The following HEATR4 variants were observed in gnomAD, a reference collection of about 807,000 sequenced individuals.
HEATR4 encodes HEAT repeat-containing protein 4.
In HEATR4, 95 loss-of-function variants were observed where a neutral mutation model predicts 108.8. That is an observed-to-expected ratio of 0.87 (90% CI 0.74 to 1.04). The LOEUF (loss-of-function observed/expected upper bound fraction) is 1.04, where lower values mean the gene tolerates loss of function less well. Among genes scored for constraint, HEATR4 ranks in the 50% least tolerant of loss-of-function variants. HEATR4 has a pLI of 0.00. For missense variants in HEATR4, 1,152 were observed against 1,253.8 expected (o/e 0.92, Z 1.23); for synonymous variants, 443 against 459.4 (o/e 0.96, Z 0.46).
At chr14:73,624,559 ACCAC>A in the HEATR4 span, among the ~76,000 whole-genome samples, 2 of 152,274 alleles carry the variant, frequency 1.3e-5, no homozygotes, top group African/African-American at 4.8e-5. Context: ...CCATGATCAC[ACCAC>A]TGCACTCCAT....
In HEATR4 at chr14:73,538,047, G is replaced by A; in HGVS notation, c.-151-7803C>T. Reference sequence around the variant, plus strand: ...GGGCTATGTTGCCCAGGTAGGTCTTGAACTCCTGGACCCAAGCTATCCTCC... The same window carrying A: ...GGGCTATGTTGCCCAGGTAGGTCTTAAACTCCTGGACCCAAGCTATCCTCC... On this transcript the variant is annotated intron_variant, in intron 1 of 17. Coordinates refer to ENST00000553558, the MANE Select transcript of HEATR4 (RefSeq NM_001220484.1). Among the ~76,000 whole-genome samples, 2 of 105,798 alleles carry A rather than the reference G, an allele frequency of 1.9e-5. 1 individual carries two copies. The highest frequency in any genetic ancestry group is 4.0e-5 in the Non-Finnish European group (2 of 49,582). 69.4% of individuals were successfully genotyped at this position (105,798 alleles called of 152,430 possible). A position where few individuals can be genotyped will look rare whatever the true frequency, so the allele number is the denominator to read the frequency against.
At chr14:73,591,812 A>T in the HEATR4 span, 1 of 702,500 alleles carries the variant, frequency 1.4e-6, no homozygotes, top group Non-Finnish European at 2.1e-6. Context: ...AACCGGTCTG[A>T]AGTCCCAGGG....
At chr14:73,608,050 G>A in the HEATR4 span, among the ~76,000 whole-genome samples, 1 of 151,480 alleles carries the variant, frequency 6.6e-6, no homozygotes, top group Non-Finnish European at 1.5e-5. Flanking sequence ...TCAGCCTCCC[G>A]AGTAGCTGGG....
At chr14:73,594,409 T>G in the HEATR4 span, among the ~76,000 whole-genome samples, 1 of 148,050 alleles carries the variant, frequency 6.8e-6, no homozygotes, top group Non-Finnish European at 1.5e-5. Flanking sequence ...CCTACCTGAA[T>G]GTGGCCCTGA....
At chr14:73,484,651 A>G (rs1276076057) in intron 17 of HEATR4, among the ~76,000 whole-genome samples, 1 of 151,296 alleles carries the variant, frequency 6.6e-6, no homozygotes, top group Non-Finnish European at 1.5e-5. Flanking sequence ...AAGTGCTGGG[A>G]TTACAGGCAT....
At chr14:73,593,790 C>G in the HEATR4 span, 1 of 1,614,056 alleles carries the variant, frequency 6.2e-7, no homozygotes, top group Non-Finnish European at 8.5e-7. Context: ...CTGGCCATGG[C>G]TTTGCCACGT....
chr14:73,521,886 G>A (rs2140297038), intron 3 of HEATR4, among the ~76,000 whole-genome samples: 1 of 152,342 alleles, frequency 6.6e-6, no homozygotes, highest in African/African-American at 2.4e-5. Flanking sequence ...AAAGTCTGCT[G>A]GAGAAGGTTG....
rs748113844 is a variant in HEATR4 at position 73,523,158 on chromosome 14, G to A, written c.-6C>T. The A allele has an allele frequency of 4.5e-5, 70 of 1,569,678 alleles. No individual in the cohort carries two copies. The highest frequency in any genetic ancestry group is 1.7e-4 in the African/African-American group (13 of 74,424). ...CCCTTCTGGGTCCTGGTCATACCGC[G>A]TCCCAGCAAATGCTTCCTTCCACAC... On this transcript the variant is annotated 5_prime_UTR_variant, in exon 3 of 18. In the 5' UTR this introduces an upstream ATG that the reference lacks. Transcript: ENST00000553558.
chr14:73,615,388 T>TAA, the HEATR4 span, among the ~76,000 whole-genome samples: 513 of 63,210 alleles, frequency 8.1e-3, 38 homozygotes, highest in African/African-American at 0.036. Context: ...CTCTGTCTGA[T>TAA]AAAAAAAAAA....
At chr14:73,618,620 G>A in the HEATR4 span, among the ~76,000 whole-genome samples, 1 of 103,018 alleles carries the variant, frequency 9.7e-6, no homozygotes, top group Admixed American at 1.1e-4. Context: ...TATCAAGGCA[G>A]GAGAAAATAA....
At chr14:73,617,324 T>C in the HEATR4 span, 1 of 1,288,642 alleles carries the variant, frequency 7.8e-7, no homozygotes. Flanking sequence ...CAAAGGTTAC[T>C]AGGGTGGAAG....
At chr14:73,614,129 A>C in the HEATR4 span, among the ~76,000 whole-genome samples, 1 of 151,724 alleles carries the variant, frequency 6.6e-6, no homozygotes, top group East Asian at 1.9e-4. Context: ...TGATATCAGG[A>C]AGTAGAGGTT....
chr14:73,602,679 C>T, the HEATR4 span, among the ~76,000 whole-genome samples: 1 of 152,172 alleles, frequency 6.6e-6, no homozygotes, highest in African/African-American at 2.4e-5. Flanking sequence ...ATGATTGATA[C>T]CATATACTCA....
the HEATR4 span, among the ~76,000 whole-genome samples, chr14:73,567,310 G>GT: frequency 2.0e-5 from 3 of 152,068 alleles, no homozygotes; most frequent in African/African-American, 7.2e-5. Context: ...TAGGGTTCTT[G>GT]TAAGTATTAA....
At chr14:73,500,804 C>A in intron 11 of HEATR4, 74 bp from the exon 12 acceptor site, 1 of 1,408,618 alleles carries the variant, frequency 7.1e-7, no homozygotes, top group Admixed American at 2.0e-5. Flanking sequence ...CACTAATGCC[C>A]TCATGATAAA....
At chr14:73,489,298 A>T (rs1244315555) in intron 17 of HEATR4, among the ~76,000 whole-genome samples, 1 of 152,180 alleles carries the variant, frequency 6.6e-6, no homozygotes, top group Non-Finnish European at 1.5e-5. Context: ...CTGTGTGTGT[A>T]ACAGACCATG....
At chr14:73,580,429 G>A in the HEATR4 span, among the ~76,000 whole-genome samples, 10,347 of 152,122 alleles carry the variant, frequency 0.068, 536 homozygotes, top group African/African-American at 0.12. Context: ...AATATAATAA[G>A]AGTGAAGTGT....
the HEATR4 span, among the ~76,000 whole-genome samples, chr14:73,597,591 C>CTTTTTTTTTTTTTTTT: frequency 1.0e-5 from 1 of 98,206 alleles, no homozygotes; most frequent in Non-Finnish European, 2.0e-5. Flanking sequence ...TTTTTCTTTT[C>CTTTTTTTTTTTTTTTT]TTTTTTTTTT....
chr14:73,627,041 C>G, the HEATR4 span, among the ~76,000 whole-genome samples: 3 of 151,694 alleles, frequency 2.0e-5, no homozygotes, highest in Non-Finnish European at 4.4e-5. Context: ...ATCCACCCGC[C>G]TCGGCCTCCT....
Sources: allele counts gnomAD v4.1 joint callset (sites outside exome capture counted in the v4.1 genomes callset), GRCh38; gene constraint gnomAD v4.1.1; transcripts MANE v1.5; gene names NCBI Gene and HGNC (gene_info 2026-07-23, HGNC 2026-07-21).